Variants in SS18L1 observed in about 807,000 individuals in gnomAD.
The protein encoded by SS18L1 is SS18L1 subunit of BAF chromatin remodeling complex.
A neutral mutation model predicts 70.3 loss-of-function variants in SS18L1; 32 were observed. That is an observed-to-expected ratio of 0.46 (90% CI 0.34 to 0.61). SS18L1 has a LOEUF of 0.61. Among genes scored for constraint, SS18L1 ranks in the 20% least tolerant of loss-of-function variants. SS18L1 has a pLI of 0.01. For synonymous variants in SS18L1, 237 were observed against 229.7 expected, an observed-to-expected ratio of 1.03 and a Z score of -0.29; for missense variants, 430 against 542.1, an observed-to-expected ratio of 0.79 and a Z score of 2.05.
At chr20:62,148,152 G>A (rs892379210) in intron 1 of SS18L1, among the ~76,000 whole-genome samples, 1 of 152,246 alleles carries the variant, frequency 6.6e-6, no homozygotes, top group African/African-American at 2.4e-5. Context: ...GCAGGGATAG[G>A]GGGGTTGGGT....
At chr20:62,154,260 T>C in intron 1 of SS18L1, 1 of 961,116 alleles carries the variant, frequency 1.0e-6, no homozygotes, top group South Asian at 4.9e-5. Context: ...TCATCTTCCT[T>C]GTCTTTGATG....
intron 1 of SS18L1, among the ~76,000 whole-genome samples, chr20:62,157,410 TGGCCA>T (rs1325849386): frequency 6.6e-6 from 1 of 152,208 alleles, no homozygotes; most frequent in Non-Finnish European, 1.5e-5. Context: ...TGCTCAGGTG[TGGCCA>T]GGCACGTGGG....
intron 1 of SS18L1, among the ~76,000 whole-genome samples, chr20:62,155,843 G>A (rs1021573126): frequency 2.6e-5 from 4 of 152,074 alleles, no homozygotes; most frequent in Non-Finnish European, 2.9e-5. Flanking sequence ...CCAAACTCCC[G>A]CTGCTGCCAT....
chr20:62,143,942 C>A, intron 1 of SS18L1, 53 bp downstream of exon 1: 5 of 977,106 alleles, frequency 5.1e-6, no homozygotes, highest in Non-Finnish European at 6.1e-6. Flanking sequence ...GGCGGGCGCG[C>A]GCGGGGACGG....
At position 62,165,472 on chromosome 20, in the gene SS18L1, G is replaced by A. The variant is rs1429681898; in HGVS notation, c.874G>A (p.Asp292Asn). 3.7e-6 allele frequency: 6 copies of A among 1,613,038 alleles called. No homozygotes were observed. Among genetic ancestry groups the A allele is most frequent in the African/African-American group, 1.3e-5 (1 of 74,924 alleles). The change falls in exon 8 of 11, where the codon GAC becomes AAC. Residue 292 changes from aspartate (D) to asparagine (N), a missense_variant. By Grantham distance (23) the Asp-to-Asn change is conservative. Coordinates refer to ENST00000331758, the MANE Select transcript of SS18L1 (RefSeq NM_198935.3). ...GTCATCCTACACGGAGCAGAGCTAC[G>A]ACCGGTCCTTCGAGGAGTCCACGCA... Reference protein sequence around the residue: ...QQSSYTEQSYDRSFEESTQHY... With the variant: ...QQSSYTEQSYNRSFEESTQHY...
intron 1 of SS18L1, among the ~76,000 whole-genome samples, chr20:62,147,440 G>T (rs2057051787): frequency 6.6e-6 from 1 of 152,326 alleles, no homozygotes; most frequent in Non-Finnish European, 1.5e-5. Flanking sequence ...CGCTGCTGTT[G>T]GGGCTGGGCC....
chr20:62,154,527 C>T (rs1412871274), intron 1 of SS18L1: 6 of 1,016,506 alleles, frequency 5.9e-6, no homozygotes, highest in East Asian at 6.7e-5. Flanking sequence ...CAGAGGTCTC[C>T]GTTGGGACTG....
Position 62,166,173 on chromosome 20 carries a change from G to A in SS18L1, c.916+659G>A, listed in dbSNP as rs376693564. Among the ~76,000 whole-genome samples, 13 of 152,354 alleles carry A rather than the reference G, an allele frequency of 8.5e-5. No homozygotes were observed. In the South Asian group the frequency reaches 2.1e-3, roughly 24 times the overall value. On this transcript the variant is annotated intron_variant, in intron 8 of 10. Coordinates refer to ENST00000331758, the MANE Select transcript of SS18L1 (RefSeq NM_198935.3). ...ACACAGCCCGTTCCAGTCCCACCCC[G>A]GGATAAAGATGGCCCCCAGAGAAGA...
rs1478085538 is a variant in SS18L1 at position 62,159,492 on chromosome 20, G to A, written c.147-385G>A. ...CAGGGTCGTTGGCTCTATGGAGTCC[G>A]CCCACTGCCTGGCTCAGCTGGACGA... On this transcript the variant is annotated intron_variant, in intron 2 of 10. Coordinates refer to ENST00000331758, the MANE Select transcript of SS18L1 (RefSeq NM_198935.3). This position sits in a 1 kb window ranked among gnomAD's most constrained non-coding sequence, Gnocchi z 4.4. Among the ~76,000 whole-genome samples, 6 of 152,096 alleles carry A rather than the reference G, an allele frequency of 3.9e-5. No homozygotes were observed. The highest frequency in any genetic ancestry group is 1.9e-4 in the East Asian group (1 of 5,186).
chr20:62,144,882 GATAAACAGTGGT>G (rs2056995728), intron 1 of SS18L1, among the ~76,000 whole-genome samples: 1 of 152,210 alleles, frequency 6.6e-6, no homozygotes, highest in Non-Finnish European at 1.5e-5. Flanking sequence ...GGATTGCAGG[GATAAACAGTGGT>G]ATTCCTAGGT....
Position 62,143,816 on chromosome 20 carries a change from C to G in SS18L1, c.-5C>G. On this transcript the variant is annotated 5_prime_UTR_variant, in exon 1 of 11. Coordinates refer to ENST00000331758, the MANE Select transcript of SS18L1 (RefSeq NM_198935.3). ...TGACCACGGGCTGAGCCCCGCGCCG[C>G]CACCATGTCCGTGGCCTTCGCGTCT... 1 of 1,358,230 alleles carries G rather than the reference C, an allele frequency of 7.4e-7. No homozygotes were observed. The highest frequency in any genetic ancestry group is 9.7e-7 in the Non-Finnish European group (1 of 1,025,930). The allele number at this position is 1,358,230 out of a possible 1,614,324, so 84.1% of individuals were successfully genotyped here. A position where few individuals can be genotyped will look rare whatever the true frequency, so the allele number is the denominator to read the frequency against.
At chr20:62,168,586 A>G (rs2057475329) in intron 8 of SS18L1, among the ~76,000 whole-genome samples, 1 of 152,078 alleles carries the variant, frequency 6.6e-6, no homozygotes, top group East Asian at 1.9e-4. Flanking sequence ...TGTGGGGGCC[A>G]GGGCAGAGGA....
intron 8 of SS18L1, among the ~76,000 whole-genome samples, chr20:62,170,940 C>A (rs1601046805): frequency 6.7e-6 from 1 of 150,352 alleles, no homozygotes; most frequent in South Asian, 2.1e-4. Context: ...CTCACTCTAT[C>A]GCCCAGGCTG....
intron 10 of SS18L1, chr20:62,175,301 G>A: frequency 1.0e-6 from 1 of 985,456 alleles, no homozygotes; most frequent in Non-Finnish European, 1.2e-6. Flanking sequence ...GTGGCGGGAG[G>A]TGACAGGGAC....
intron 1 of SS18L1, among the ~76,000 whole-genome samples, chr20:62,153,000 TATCTG>T (rs2057161182): frequency 6.6e-6 from 1 of 152,052 alleles, no homozygotes; most frequent in Non-Finnish European, 1.5e-5. Context: ...TATGAAGAAA[TATCTG>T]AGATGGGGTA....
rs931625810 is a variant in SS18L1, at chr20:62,181,966, G to C, written c.*2758G>C. 1.8e-5 allele frequency: 4 copies of C among 228,542 alleles called. No individual in the cohort carries two copies. Among genetic ancestry groups the C allele is most frequent in the African/African-American group, 6.7e-5 (3 of 45,062 alleles). The allele number at this position is 228,542 out of a possible 1,614,324, so 14.2% of individuals were successfully genotyped here. A position where few individuals can be genotyped will look rare whatever the true frequency, so the allele number is the denominator to read the frequency against. ...TTGTGAATTTGAAAAATGATGGCCA[G>C]TTTTCAGAAGTGCTGACAAATTCAT... On this transcript the variant is annotated 3_prime_UTR_variant, in exon 11 of 11. Coordinates refer to ENST00000331758, the MANE Select transcript of SS18L1 (RefSeq NM_198935.3).
chr20:62,170,090 T>C (rs1341112452), intron 8 of SS18L1, among the ~76,000 whole-genome samples: 2 of 152,232 alleles, frequency 1.3e-5, no homozygotes, highest in Non-Finnish European at 2.9e-5. Context: ...GCTCATTGTG[T>C]CCACATCTTG....
At chr20:62,175,278 TGAG>T in intron 10 of SS18L1, 4 of 985,236 alleles carry the variant, frequency 4.1e-6, no homozygotes, top group Non-Finnish European at 4.8e-6. Context: ...CTCGGGACAG[TGAG>T]GAGGCCGGTG....
intron 10 of SS18L1, chr20:62,175,533 A>G (rs6061452): frequency 0.065 from 50,601 of 783,080 alleles, 2,000 homozygotes; most frequent in South Asian, 0.18. Flanking sequence ...GCTGGAGCAC[A>G]GGGCATATGA....
Sources: allele counts gnomAD v4.1 joint callset (sites outside exome capture counted in the v4.1 genomes callset), GRCh38; gene constraint gnomAD v4.1.1; non-coding constraint Gnocchi (gnomAD v3.1); transcripts MANE v1.5; gene names NCBI Gene and HGNC (gene_info 2026-07-23, HGNC 2026-07-21).